Variants in ATG5 observed in about 807,000 individuals in gnomAD.
ATG5 encodes the protein autophagy protein 5.
In ATG5, 14 loss-of-function variants were observed where a neutral mutation model predicts 36.5. That is an observed-to-expected ratio of 0.38 (90% CI 0.25 to 0.60). ATG5 has a LOEUF of 0.60. Ranked by LOEUF, ATG5 falls within the 20% of genes least tolerant of loss-of-function variation. The pLI is 0.60. For missense variants in ATG5, 195 were observed against 326.7 expected (o/e 0.60, Z 3.11); for synonymous variants, 95 against 101.5 (o/e 0.94, Z 0.38).
At chr6:106,311,177 A>C (rs1292302918) in intron 2 of ATG5, among the ~76,000 whole-genome samples, 1 of 152,214 alleles carries the variant, frequency 6.6e-6, no homozygotes, top group African/African-American at 2.4e-5. Context: ...GTTCCACTCC[A>C]ATGTGTAAAG....
chr6:106,259,687 A>G (rs1319812324), intron 5 of ATG5, among the ~76,000 whole-genome samples: 2 of 152,232 alleles, frequency 1.3e-5, no homozygotes, highest in Non-Finnish European at 2.9e-5. Context: ...TATGTAAAAG[A>G]GTTATAGAGT....
At chr6:106,243,557 G>A (rs1259656385) in intron 6 of ATG5, among the ~76,000 whole-genome samples, 7 of 149,150 alleles carry the variant, frequency 4.7e-5, no homozygotes, top group Admixed American at 2.0e-4. Context: ...TAGGCTGGGC[G>A]CAGTGGCTCA....
At chr6:106,315,793 T>C (rs1770824353) in intron 2 of ATG5, among the ~76,000 whole-genome samples, 1 of 152,152 alleles carries the variant, frequency 6.6e-6, no homozygotes. Context: ...TATGAATATA[T>C]GCATAAGAAA....
chr6:106,208,711 A>G (rs1276380691), intron 6 of ATG5, among the ~76,000 whole-genome samples: 9 of 152,248 alleles, frequency 5.9e-5, no homozygotes, highest in Non-Finnish European at 1.2e-4. Flanking sequence ...TCTGCAAAAG[A>G]TCCTGTGAAG....
intron 3 of ATG5, among the ~76,000 whole-genome samples, chr6:106,294,106 T>C (rs566350444): frequency 6.6e-6 from 1 of 152,316 alleles, no homozygotes; most frequent in East Asian, 1.9e-4. Context: ...TTGGATTTTG[T>C]AGTCTTAGAT....
intron 4 of ATG5, among the ~76,000 whole-genome samples, chr6:106,283,116 A>C (rs933046180): frequency 6.6e-6 from 1 of 152,054 alleles, no homozygotes; most frequent in Non-Finnish European, 1.5e-5. Flanking sequence ...TTGAATGTTG[A>C]ATCAATTTTG....
intron 7 of ATG5, among the ~76,000 whole-genome samples, chr6:106,187,294 G>A (rs1024839955): frequency 2.6e-5 from 4 of 152,084 alleles, no homozygotes; most frequent in African/African-American, 9.7e-5. Flanking sequence ...CATAAAGCCT[G>A]ACTGATTTTT....
rs550575942 is a variant in ATG5 at position 106,212,387 on chromosome 6, T to C, written c.574-10298A>G. ...TGGGTGCAGAGGCTCATGCCTGTAATTCCAGCACTTTGGGAGGCCAAGGCG... is the reference window on the plus strand; with the variant it reads ...TGGGTGCAGAGGCTCATGCCTGTAACTCCAGCACTTTGGGAGGCCAAGGCG... On this transcript the variant is annotated intron_variant, in intron 6 of 7. Coordinates refer to ENST00000369076, the MANE Select transcript of ATG5 (RefSeq NM_004849.4). 2.0e-5 allele frequency among the ~76,000 whole-genome samples: 3 copies of C among 152,356 alleles called. No homozygotes were observed. The South Asian group carries it at 6.2e-4, about 32-fold the overall frequency.
intron 1 of ATG5, 97 bp downstream of exon 1, chr6:106,325,429 C>T (rs73761684): frequency 0.025 from 3,741 of 152,654 alleles, 62 homozygotes; most frequent in African/African-American, 0.049. Flanking sequence ...CTCCTCCAGG[C>T]AACTACTCAC....
intron 6 of ATG5, among the ~76,000 whole-genome samples, chr6:106,241,671 T>A (rs952422624): frequency 6.6e-6 from 1 of 152,158 alleles, no homozygotes; most frequent in African/African-American, 2.4e-5. Context: ...CAGATTACCA[T>A]CCACAATGTA....
At chr6:106,310,810 T>G (rs796648854) in intron 2 of ATG5, among the ~76,000 whole-genome samples, 27 of 152,328 alleles carry the variant, frequency 1.8e-4, no homozygotes, top group African/African-American at 6.5e-4. Flanking sequence ...ATTTGTCCTT[T>G]AGTGCCTGGT....
chr6:106,233,131 G>C (rs1777755546), intron 6 of ATG5, among the ~76,000 whole-genome samples: 1 of 152,142 alleles, frequency 6.6e-6, no homozygotes, highest in Admixed American at 6.5e-5. Context: ...CGCTACCTGT[G>C]GCTACAAGGT....
chr6:106,307,864 A>G (rs1404392471), intron 3 of ATG5, among the ~76,000 whole-genome samples: 1 of 152,164 alleles, frequency 6.6e-6, no homozygotes, highest in Non-Finnish European at 1.5e-5. Context: ...GCAAAACATC[A>G]AATTTATTTT....
chr6:106,228,731 A>G (rs1248536969), intron 6 of ATG5, among the ~76,000 whole-genome samples: 1 of 152,136 alleles, frequency 6.6e-6, no homozygotes, highest in Non-Finnish European at 1.5e-5. Flanking sequence ...ACTCTGGCCT[A>G]TCCCTTAGAA....
intron 7 of ATG5, among the ~76,000 whole-genome samples, chr6:106,196,144 CAAAAT>C (rs1256581408): frequency 5.3e-5 from 8 of 151,848 alleles, no homozygotes; most frequent in Admixed American, 5.2e-4. Flanking sequence ...ACAAAACAAA[CAAAAT>C]AAAAACAGTA....
intron 1 of ATG5, among the ~76,000 whole-genome samples, chr6:106,321,457 C>G (rs945245001): frequency 6.6e-6 from 1 of 151,860 alleles, no homozygotes; most frequent in Admixed American, 6.6e-5. Context: ...CTCCCGGGTT[C>G]ACGCCATTCT....
At chr6:106,196,972 C>T (rs1776219370) in intron 7 of ATG5, among the ~76,000 whole-genome samples, 1 of 152,160 alleles carries the variant, frequency 6.6e-6, no homozygotes, top group East Asian at 1.9e-4. Context: ...TTAGTTTTTA[C>T]AGATAAAACA....
chr6:106,297,717 AACACACACACACACACAC>A (rs56336702), intron 3 of ATG5, among the ~76,000 whole-genome samples: 45 of 135,518 alleles, frequency 3.3e-4, no homozygotes, highest in East Asian at 8.7e-4. Context: ...AAATGACTTA[AACACACACACACACACAC>A]ACACACACAC....
intron 2 of ATG5, among the ~76,000 whole-genome samples, chr6:106,312,623 T>TACACACACACACACAC (rs144983689): frequency 4.8e-5 from 7 of 144,402 alleles, no homozygotes; most frequent in South Asian, 2.3e-4. Context: ...CAAAAAAGAC[T>TACACACACACACACAC]ACACACACAC....
Sources: allele counts gnomAD v4.1 joint callset (sites outside exome capture counted in the v4.1 genomes callset), GRCh38; gene constraint gnomAD v4.1.1; transcripts MANE v1.5; gene names NCBI Gene and HGNC (gene_info 2026-07-23, HGNC 2026-07-21).